Variants in RBFOX1 observed in about 807,000 individuals in gnomAD.
RBFOX1 encodes RNA binding fox-1 homolog 1.
Under a neutral mutation model 57.7 loss-of-function variants are expected in RBFOX1, and 8 were observed. That is an observed-to-expected ratio of 0.14 (90% CI 0.08 to 0.25). RBFOX1 has a LOEUF of 0.25. RBFOX1 is among the 10% of genes least tolerant of loss of function. The pLI is 1.00. For synonymous variants in RBFOX1, 326 were observed against 222.4 expected (o/e 1.47, Z -4.15); for missense variants, 611 against 548.5 (o/e 1.11, Z -1.14).
At chr16:6,102,388 T>C (rs762720029) in intron 1 of RBFOX1, among the ~76,000 whole-genome samples, 1 of 152,226 alleles carries the variant, frequency 6.6e-6, no homozygotes, top group Non-Finnish European at 1.5e-5. Context: ...TTATTTCATA[T>C]GATCAGATTT....
intron 4 of RBFOX1, among the ~76,000 whole-genome samples, chr16:7,129,182 C>T (rs1003015377): frequency 5.3e-5 from 8 of 152,284 alleles, no homozygotes; most frequent in African/African-American, 1.9e-4. Context: ...GAAAGTCTGG[C>T]TCCAGAGTAC....
Position 5,545,225 on chromosome 16 carries a change from G to A in RBFOX1, c.259-53677G>A, listed in dbSNP as rs147009162. Among the ~76,000 whole-genome samples, 11 of 152,162 alleles carry A rather than the reference G, an allele frequency of 7.2e-5. No individual in the cohort carries two copies. The East Asian group carries it at 1.7e-3, about 24-fold the overall frequency. Reference sequence around the variant, plus strand: ...AACCTTGACCTCAGGTGATCCAACCGCCTTGGCCTCCCAAAGTGCTGGGAT... The same window carrying A: ...AACCTTGACCTCAGGTGATCCAACCACCTTGGCCTCCCAAAGTGCTGGGAT... On this transcript the variant is annotated intron_variant, in intron 2 of 2. Coordinates refer to the RBFOX1 transcript ENST00000585867.
At chr16:5,477,666 A>T (rs1227301143) in intron 2 of RBFOX1, among the ~76,000 whole-genome samples, 2 of 152,090 alleles carry the variant, frequency 1.3e-5, no homozygotes, top group Non-Finnish European at 2.9e-5. Flanking sequence ...AAATCTTCCT[A>T]TCTGGGGGCT....
Position 6,950,113 on chromosome 16 carries a change from A to ATTT in RBFOX1, c.-15-101923_-15-101921dup, listed in dbSNP as rs58222300. 7.4e-3 allele frequency among the ~76,000 whole-genome samples: 891 copies of ATTT among 120,908 alleles called. 16 individuals are homozygous for ATTT. The highest frequency in any genetic ancestry group is 0.029 in the African/African-American group (845 of 29,648). 79.3% of individuals were successfully genotyped at this position (120,908 alleles called of 152,430 possible). On this transcript the variant is annotated intron_variant, in intron 3 of 15. Transcript: ENST00000550418. ...AGGCATGCGCCACTACGCAGAGGTAATTTTTTTTTTTTTTTTTTTTTTTAA... is the reference window on the plus strand; with the variant it reads ...AGGCATGCGCCACTACGCAGAGGTAATTTTTTTTTTTTTTTTTTTTTTTTTTAA...
intron 3 of RBFOX1, among the ~76,000 whole-genome samples, chr16:5,809,339 A>G (rs1051843690): frequency 3.9e-5 from 6 of 152,220 alleles, no homozygotes; most frequent in African/African-American, 1.4e-4. Context: ...TAATTAAACT[A>G]AAGAGCTTCT....
intron 4 of RBFOX1, among the ~76,000 whole-genome samples, chr16:7,232,349 T>A (rs1567816698): frequency 1.3e-5 from 2 of 152,160 alleles, no homozygotes; most frequent in Non-Finnish European, 2.9e-5. Flanking sequence ...GCTTGAGCTA[T>A]GTGTTCATTT....
At chr16:6,858,110 TAAATACAGTTATTA>T (rs1398974028) in intron 3 of RBFOX1, among the ~76,000 whole-genome samples, 2 of 152,200 alleles carry the variant, frequency 1.3e-5, no homozygotes, top group East Asian at 3.9e-4. Flanking sequence ...TTGGAGTTAT[TAAATACAGTTATTA>T]AAATACAGTT....
At chr16:6,861,123 C>G (rs1023630776) in intron 3 of RBFOX1, among the ~76,000 whole-genome samples, 2 of 152,020 alleles carry the variant, frequency 1.3e-5, no homozygotes, top group African/African-American at 2.4e-5. Flanking sequence ...GGTGGACATA[C>G]GGCATTTGCT....
chr16:6,144,602 C>T (rs2096743525), intron 1 of RBFOX1, among the ~76,000 whole-genome samples: 1 of 152,172 alleles, frequency 6.6e-6, no homozygotes, highest in African/African-American at 2.4e-5. Context: ...GCATCTGTAG[C>T]CAAGGGAGGT....
intron 2 of RBFOX1, among the ~76,000 whole-genome samples, chr16:5,575,785 A>T (rs1251376676): frequency 1.3e-5 from 2 of 152,112 alleles, no homozygotes; most frequent in Non-Finnish European, 2.9e-5. Flanking sequence ...CATAAAATGT[A>T]ACCTCTTCTT....
chr16:5,430,251 C>A (rs911576919), intron 1 of RBFOX1, among the ~76,000 whole-genome samples: 1 of 152,070 alleles, frequency 6.6e-6, no homozygotes, highest in Non-Finnish European at 1.5e-5. Flanking sequence ...GAAATGGCAG[C>A]AGGTGGTGGG....
intron 4 of RBFOX1, among the ~76,000 whole-genome samples, chr16:7,238,342 T>G (rs537531208): frequency 1.4e-5 from 2 of 147,836 alleles, no homozygotes; most frequent in Admixed American, 6.7e-5. Context: ...AAAAAATAAA[T>G]AAATAAAATA....
intron 1 of RBFOX1, among the ~76,000 whole-genome samples, chr16:6,297,919 C>T (rs1423017562): frequency 6.6e-6 from 1 of 152,168 alleles, no homozygotes; most frequent in Non-Finnish European, 1.5e-5. Flanking sequence ...ATGAGAGCCA[C>T]CTCCACCGCT....
At chr16:7,211,933 T>C (rs957015225) in intron 4 of RBFOX1, among the ~76,000 whole-genome samples, 1 of 152,106 alleles carries the variant, frequency 6.6e-6, no homozygotes, top group African/African-American at 2.4e-5. Context: ...GCGCCGTAAA[T>C]TGCCTTTTCC....
intron 4 of RBFOX1, among the ~76,000 whole-genome samples, chr16:7,204,259 T>G (rs142595419): frequency 7.3e-4 from 111 of 152,318 alleles, no homozygotes; most frequent in African/African-American, 2.6e-3. Flanking sequence ...ACCCTAAACT[T>G]GCAGCATCAC....
At chr16:5,434,735 A>AT (rs752097892) in intron 1 of RBFOX1, among the ~76,000 whole-genome samples, 23 of 152,118 alleles carry the variant, frequency 1.5e-4, no homozygotes, top group Non-Finnish European at 2.1e-4. Context: ...GATTTAGCTT[A>AT]TTTGCAATAC....
chr16:5,846,464 T>A (rs956519382), intron 3 of RBFOX1, among the ~76,000 whole-genome samples: 7 of 152,192 alleles, frequency 4.6e-5, no homozygotes, highest in African/African-American at 1.7e-4. Flanking sequence ...TCACTGAGTG[T>A]GCCAACCATC....
chr16:6,580,508 C>G (rs1320422895), intron 2 of RBFOX1, among the ~76,000 whole-genome samples: 2 of 152,140 alleles, frequency 1.3e-5, no homozygotes, highest in Non-Finnish European at 1.5e-5. Context: ...GACATAATCC[C>G]TTATGGTCCT....
intron 4 of RBFOX1, among the ~76,000 whole-genome samples, chr16:7,137,376 G>T (rs2072323490): frequency 2.0e-5 from 3 of 152,252 alleles, no homozygotes; most frequent in Admixed American, 2.0e-4. Flanking sequence ...ATCGAATTGT[G>T]GGGGTAGTTT....
Sources: allele counts gnomAD v4.1 joint callset (sites outside exome capture counted in the v4.1 genomes callset), GRCh38; gene constraint gnomAD v4.1.1; transcripts MANE v1.5; gene names NCBI Gene and HGNC (gene_info 2026-07-23, HGNC 2026-07-21).